Variants in SCFD2 observed in about 807,000 individuals in gnomAD.
The protein encoded by SCFD2 is sec1 family domain-containing protein 2.
A neutral mutation model predicts 58.9 loss-of-function variants in SCFD2; 54 were observed. The observed-to-expected ratio is 0.92, with a 90% CI of 0.74 to 1.15. The LOEUF (loss-of-function observed/expected upper bound fraction) is 1.15. Ranked by LOEUF, SCFD2 falls within the 50% of genes most tolerant of loss-of-function variation. The pLI, the probability that SCFD2 is intolerant of heterozygous loss-of-function variation, is 0.00. For synonymous variants in SCFD2, 321 were observed against 335.9 expected (o/e 0.96, Z 0.49); for missense variants, 805 against 836.6 (o/e 0.96, Z 0.47).
At chr4:53,190,355 T>A (rs1184720434) in intron 4 of SCFD2, among the ~76,000 whole-genome samples, 1 of 152,206 alleles carries the variant, frequency 6.6e-6, no homozygotes, top group African/African-American at 2.4e-5. Context: ...CCTTGCCTGC[T>A]GTGCTCCAGC....
chr4:53,345,238 T>TA (rs1419857573), intron 2 of SCFD2, among the ~76,000 whole-genome samples: 1 of 151,828 alleles, frequency 6.6e-6, no homozygotes, highest in Non-Finnish European at 1.5e-5. Context: ...ACAAAGAACT[T>TA]AAACAAATTT....
At chr4:53,307,432 C>G (rs1028013806) in intron 3 of SCFD2, among the ~76,000 whole-genome samples, 5 of 152,222 alleles carry the variant, frequency 3.3e-5, no homozygotes, top group African/African-American at 1.2e-4. Flanking sequence ...TTTGACTCCT[C>G]TCTCTAAAGA....
intron 5 of SCFD2, among the ~76,000 whole-genome samples, chr4:53,063,913 G>C (rs1035215710): frequency 1.3e-5 from 2 of 152,016 alleles, no homozygotes; most frequent in African/African-American, 2.4e-5. Flanking sequence ...GGCATCAACT[G>C]TCTAGCCCGG....
At chr4:53,220,889 T>C (rs377659177) in intron 4 of SCFD2, among the ~76,000 whole-genome samples, 1 of 152,256 alleles carries the variant, frequency 6.6e-6, no homozygotes, top group African/African-American at 2.4e-5. Context: ...GAAATGCTGT[T>C]TTCTCTTTCC....
At chr4:53,315,457 G>A (rs776836065) in intron 2 of SCFD2, among the ~76,000 whole-genome samples, 12 of 152,112 alleles carry the variant, frequency 7.9e-5, no homozygotes, top group Admixed American at 2.0e-4. Flanking sequence ...TCCTTGCCAA[G>A]TCATGTCAAC....
intron 5 of SCFD2, among the ~76,000 whole-genome samples, chr4:53,089,103 A>G (rs1474348783): frequency 6.6e-6 from 1 of 152,170 alleles, no homozygotes; most frequent in East Asian, 1.9e-4. Context: ...TGATATAGGA[A>G]TTCCCAGTCT....
intron 5 of SCFD2, among the ~76,000 whole-genome samples, chr4:53,090,335 T>C (rs1365158447): frequency 1.3e-5 from 2 of 152,186 alleles, no homozygotes; most frequent in Non-Finnish European, 2.9e-5. Context: ...GAAATGCACA[T>C]ATTCAACTCA....
At chr4:53,292,038 A>C (rs1001732590) in intron 3 of SCFD2, among the ~76,000 whole-genome samples, 1 of 152,118 alleles carries the variant, frequency 6.6e-6, no homozygotes, top group Non-Finnish European at 1.5e-5. Flanking sequence ...AAATGAATTA[A>C]AGACTTAAAT....
intron 5 of SCFD2, among the ~76,000 whole-genome samples, chr4:53,074,646 C>T (rs1050875985): frequency 2.0e-5 from 3 of 152,162 alleles, no homozygotes; most frequent in Non-Finnish European, 2.9e-5. Flanking sequence ...GGCATAAGAA[C>T]AACATTCATC....
intron 3 of SCFD2, among the ~76,000 whole-genome samples, chr4:53,310,160 T>C (rs752266051): frequency 2.6e-5 from 4 of 152,084 alleles, no homozygotes; most frequent in East Asian, 1.9e-4. Context: ...TGGGAGGCTT[T>C]CCAGTAAAAA....
At chr4:53,346,528 C>T (rs1577991864) in intron 2 of SCFD2, among the ~76,000 whole-genome samples, 1 of 152,242 alleles carries the variant, frequency 6.6e-6, no homozygotes, top group East Asian at 1.9e-4. Flanking sequence ...CCTGTCTCGG[C>T]CTCCCAAAGC....
intron 5 of SCFD2, among the ~76,000 whole-genome samples, chr4:53,128,909 C>G (rs1460295957): frequency 1.3e-5 from 2 of 152,216 alleles, no homozygotes; most frequent in South Asian, 4.1e-4. Context: ...AGATTGAATT[C>G]TTTGCAAGGT....
intron 4 of SCFD2, among the ~76,000 whole-genome samples, chr4:53,239,411 A>AGAGGGAGAG (rs1423871855): frequency 5.4e-5 from 6 of 111,258 alleles, no homozygotes; most frequent in African/African-American, 1.1e-4. Flanking sequence ...AGGGAGAGGG[A>AGAGGGAGAG]GAGGGAGAGG....
chr4:53,317,386 C>T (rs1285360292), intron 2 of SCFD2, among the ~76,000 whole-genome samples: 1 of 152,182 alleles, frequency 6.6e-6, no homozygotes, highest in Admixed American at 6.5e-5. Context: ...CACACATACA[C>T]CTATATCAGC....
rs1239484727 is a variant in SCFD2 at position 52,910,379 on chromosome 4, TATAGAGCCA to T, written c.1708-2797_1708-2789del. Among the ~76,000 whole-genome samples, 126 of 152,322 alleles carry T rather than the reference TATAGAGCCA, an allele frequency of 8.3e-4. 1 individual carries two copies. Among genetic ancestry groups the T allele is most frequent in the African/African-American group, 2.9e-3 (119 of 41,576 alleles). On this transcript the variant is annotated intron_variant, in intron 6 of 8. Coordinates refer to ENST00000401642, the MANE Select transcript of SCFD2 (RefSeq NM_152540.4). ...GGAGAAACCTTGGTAAGTGATGACT[TATAGAGCCA>T]CTATCACCATAACATGGACAGGCTA...
intron 3 of SCFD2, among the ~76,000 whole-genome samples, chr4:53,310,987 G>A (rs573765392): frequency 2.6e-5 from 4 of 152,298 alleles, no homozygotes; most frequent in East Asian, 3.9e-4. Context: ...ATTGTGCATA[G>A]TTTAAAATAT....
intron 5 of SCFD2, among the ~76,000 whole-genome samples, chr4:53,049,781 T>C (rs1560314063): frequency 1.3e-5 from 2 of 152,188 alleles, no homozygotes; most frequent in Admixed American, 6.5e-5. Context: ...TGATAATGAC[T>C]ACCTTATGTC....
At chr4:53,125,905 G>C (rs182713920) in intron 5 of SCFD2, among the ~76,000 whole-genome samples, 4 of 152,136 alleles carry the variant, frequency 2.6e-5, no homozygotes, top group African/African-American at 9.7e-5. Flanking sequence ...AAGAGTATGG[G>C]AGAGCATCCA....
At chr4:52,977,164 T>G (rs1194034134) in intron 5 of SCFD2, among the ~76,000 whole-genome samples, 1 of 152,192 alleles carries the variant, frequency 6.6e-6, no homozygotes, top group Non-Finnish European at 1.5e-5. Context: ...GTACTGTCAC[T>G]GGAGGTGGAG....
Sources: allele counts gnomAD v4.1 joint callset (sites outside exome capture counted in the v4.1 genomes callset), GRCh38; gene constraint gnomAD v4.1.1; transcripts MANE v1.5; gene names NCBI Gene and HGNC (gene_info 2026-07-23, HGNC 2026-07-21).